Variants in TRPM3 observed in about 807,000 individuals in gnomAD.
The protein encoded by TRPM3 is transient receptor potential cation channel subfamily M member 3.
Under a neutral mutation model 181.2 loss-of-function variants are expected in TRPM3, and 77 were observed. The observed-to-expected ratio is 0.42, with a 90% CI of 0.35 to 0.51. The LOEUF (loss-of-function observed/expected upper bound fraction) is 0.51. Ranked by LOEUF, TRPM3 falls within the 20% of genes least tolerant of loss-of-function variation. The probability of loss-of-function intolerance (pLI) is 0.01; values close to 1 mark genes in which losing one functional copy is unlikely to be tolerated. For missense variants in TRPM3, 1,759 were observed against 2,196.7 expected (o/e 0.80, Z 3.98); for synonymous variants, 745 against 796.4 (o/e 0.94, Z 1.09).
At chr9:70,832,938 C>G (rs533379292) in intron 5 of TRPM3, among the ~76,000 whole-genome samples, 1 of 152,266 alleles carries the variant, frequency 6.6e-6, no homozygotes, top group African/African-American at 2.4e-5. Context: ...GATAAATATT[C>G]TGCTGGCTTG....
chr9:70,817,116 C>G (rs945911693), intron 6 of TRPM3, among the ~76,000 whole-genome samples: 2 of 152,190 alleles, frequency 1.3e-5, no homozygotes, highest in Admixed American at 1.3e-4. Flanking sequence ...TCTAGTCTTC[C>G]TTTCCTTCAT....
chr9:70,822,823 G>A (rs996400310), intron 6 of TRPM3, among the ~76,000 whole-genome samples: 2 of 151,216 alleles, frequency 1.3e-5, no homozygotes, highest in Non-Finnish European at 2.9e-5. Context: ...CCTGGTATTT[G>A]GGTCTGTGCC....
chr9:71,004,020 A>G (rs1373340942), intron 1 of TRPM3, among the ~76,000 whole-genome samples: 14 of 152,216 alleles, frequency 9.2e-5, no homozygotes, highest in Non-Finnish European at 1.5e-5. Context: ...TCTTTCCACT[A>G]GTCTACTCTG....
At chr9:71,124,376 T>A (rs2073906188), upstream of TRPM3, among the ~76,000 whole-genome samples, 1 of 151,794 alleles carries the variant, frequency 6.6e-6, no homozygotes, top group African/African-American at 2.4e-5. Context: ...TCAAAGTGCT[T>A]ACTTATAAAT....
Position 70,591,126 on chromosome 9 carries a change from A to G in TRPM3, c.3128T>C (p.Phe1043Ser). 6.2e-7 allele frequency: 1 copy of G among 1,614,144 alleles called. No individual in the cohort carries two copies. Among genetic ancestry groups the G allele is most frequent in the Non-Finnish European group, 8.5e-7 (1 of 1,180,010 alleles). The part of the protein sequence containing the change: ...SFGVARQAIL[F>S]PNEEPSWKLA... ...TTTCCATGATGGCTCCTCATTGGGA[A>G]AAAGGATGGCTTGCCTGGCGACCCC... Residue 1043 changes from phenylalanine to serine, a missense_variant, in exon 22 of 26, where the codon TTT becomes TCT. Coordinates refer to ENST00000677713, the MANE Select transcript of TRPM3 (RefSeq NM_001366145.2).
intron 6 of TRPM3, among the ~76,000 whole-genome samples, chr9:70,808,759 G>T (rs1485171455): frequency 6.6e-6 from 1 of 152,200 alleles, no homozygotes; most frequent in Non-Finnish European, 1.5e-5. Context: ...TGTCATTACA[G>T]TCTAAAGTGA....
intron 5 of TRPM3, among the ~76,000 whole-genome samples, chr9:70,837,072 T>G (rs557269408): frequency 8.5e-5 from 13 of 152,206 alleles, no homozygotes; most frequent in African/African-American, 3.1e-4. Flanking sequence ...TTTGGGCGGG[T>G]GTCCTTGTCT....
At chr9:70,686,761 CCCTCCCTCCATCTTTCCCTCCT>C (rs2067006824) in intron 8 of TRPM3, among the ~76,000 whole-genome samples, 2 of 136,456 alleles carry the variant, frequency 1.5e-5, no homozygotes, top group African/African-American at 5.6e-5. Flanking sequence ...TTCTCTCCCT[CCCTCCCTCCATCTTTCCCTCCT>C]TTTCTCTCTC....
chr9:71,276,258 T>C (rs987187154), intron 1 of TRPM3, among the ~76,000 whole-genome samples: 5 of 151,842 alleles, frequency 3.3e-5, no homozygotes, highest in African/African-American at 4.9e-5. Flanking sequence ...CACACATATG[T>C]GAAAGGCAAA....
rs781437906 is a variant in TRPM3, at chr9:71,311,909, A to C, written c.183+134744T>G. On this transcript the variant is annotated intron_variant, in intron 1 of 24. Transcript: ENST00000357533. ...TTGGGCTGCATTCAAAGATTCAAAAAATCTCATGTTTTAAGCAAGTTTATG... is the reference window on the plus strand; with the variant it reads ...TTGGGCTGCATTCAAAGATTCAAAACATCTCATGTTTTAAGCAAGTTTATG... Among the ~76,000 whole-genome samples, 16 of 152,278 alleles carry C rather than the reference A, an allele frequency of 1.1e-4. 1 individual carries two copies. In the South Asian group the frequency reaches 2.1e-3, roughly 20 times the overall value.
intron 5 of TRPM3, 107 bp from the exon 6 acceptor site, chr9:70,828,125 G>A: frequency 2.6e-6 from 3 of 1,158,986 alleles, no homozygotes; most frequent in South Asian, 3.1e-5. Flanking sequence ...TCAGTTCTGT[G>A]GTACAGTGAA....
At chr9:70,898,401 C>T (rs1159692898) in intron 1 of TRPM3, among the ~76,000 whole-genome samples, 3 of 151,062 alleles carry the variant, frequency 2.0e-5, no homozygotes, top group Middle Eastern at 3.2e-3. Context: ...AGATTACAGG[C>T]GTGAGCCACC....
chr9:70,619,880 G>T (rs1003950538), intron 16 of TRPM3, among the ~76,000 whole-genome samples, 196 bp downstream of exon 16: 17 of 152,146 alleles, frequency 1.1e-4, no homozygotes, highest in African/African-American at 3.6e-4. Context: ...AGGATGAAAT[G>T]TTCCATGTTT....
intron 1 of TRPM3, among the ~76,000 whole-genome samples, chr9:71,246,783 C>T (rs11142753): frequency 0.26 from 38,891 of 152,082 alleles, 5,622 homozygotes; most frequent in African/African-American, 0.38. Flanking sequence ...TTTAGTTATA[C>T]GACACTTTAA....
intron 1 of TRPM3, among the ~76,000 whole-genome samples, chr9:71,330,738 G>A (rs1418910296): frequency 6.6e-6 from 1 of 151,806 alleles, no homozygotes; most frequent in African/African-American, 2.4e-5. Flanking sequence ...GGGAATCTGA[G>A]TACAAGGCAG....
chr9:71,431,799 C>T (rs1261413055), intron 1 of TRPM3, among the ~76,000 whole-genome samples: 1 of 152,172 alleles, frequency 6.6e-6, no homozygotes, highest in East Asian at 1.9e-4. Context: ...ATCATTGAAA[C>T]AGCCTGGTAT....
chr9:71,071,443 C>A (rs1239155865), intron 1 of TRPM3, among the ~76,000 whole-genome samples: 1 of 152,052 alleles, frequency 6.6e-6, no homozygotes. Context: ...ATTAAGAATG[C>A]CTGGGGCCAT....
intron 1 of TRPM3, among the ~76,000 whole-genome samples, chr9:71,409,864 C>T (rs2093510877): frequency 1.3e-5 from 2 of 152,182 alleles, no homozygotes; most frequent in Admixed American, 1.3e-4. Context: ...GGAAGTGAAG[C>T]ACTCCTCAGC....
chr9:71,116,260 C>T (rs1257169455), intron 1 of TRPM3, among the ~76,000 whole-genome samples: 1 of 152,060 alleles, frequency 6.6e-6, no homozygotes, highest in African/African-American at 2.4e-5. Context: ...CTGTTGCTCC[C>T]TAGGATGTGG....
Sources: gnomAD v4.1 joint callset for allele counts (sites outside exome capture counted in the v4.1 genomes callset) on GRCh38, gnomAD v4.1.1 for gene constraint, MANE v1.5 for transcripts, NCBI Gene and HGNC (gene_info 2026-07-23, HGNC 2026-07-21) for gene names.